The following EPB41L1 variants were observed in gnomAD, a reference collection of about 807,000 sequenced individuals.
EPB41L1 encodes band 4.1-like protein 1.
In EPB41L1, 29 loss-of-function variants were observed where a neutral mutation model predicts 97.8. The ratio of observed to expected loss-of-function variants is 0.30; its 90% confidence interval spans 0.22 to 0.40. EPB41L1 has a LOEUF of 0.40. Ranked by LOEUF, EPB41L1 falls within the 10% of genes least tolerant of loss-of-function variation. The pLI, the probability that EPB41L1 is intolerant of heterozygous loss-of-function variation, is 1.00. For synonymous variants in EPB41L1, 383 were observed against 459.2 expected, an observed-to-expected ratio of 0.83 and a Z score of 2.12; for missense variants, 812 against 1,162.3, an observed-to-expected ratio of 0.70 and a Z score of 4.38.
Position 36,207,561 on chromosome 20 carries a change from G to C in EPB41L1, c.1669-1927G>C. ...CAGAGGCACCCGTGGGACAAGCAGA[G>C]CAGCAGCGGAGTACGCTCTCAGACC... On this transcript the variant is annotated intron_variant, in intron 14 of 21. Coordinates refer to ENST00000338074, the MANE Select transcript of EPB41L1 (RefSeq NM_012156.2). This position sits in a 1 kb window ranked among gnomAD's most constrained non-coding sequence, Gnocchi z 4.9. 1.6e-6 allele frequency: 2 copies of C among 1,289,914 alleles called. No homozygotes were observed. Among genetic ancestry groups the C allele is most frequent in the Non-Finnish European group, 2.0e-6 (2 of 988,892 alleles). The allele number at this position is 1,289,914 out of a possible 1,614,324, so 79.9% of individuals were successfully genotyped here.
chr20:36,225,744 T>G (rs1422419704), intron 21 of EPB41L1, among the ~76,000 whole-genome samples: 2 of 152,108 alleles, frequency 1.3e-5, no homozygotes, highest in Non-Finnish European at 2.9e-5. Context: ...CGCCTCCTCA[T>G]CTTTCCCAGG....
chr20:36,180,645 G>A (rs1404101792), intron 5 of EPB41L1, among the ~76,000 whole-genome samples: 4 of 152,150 alleles, frequency 2.6e-5, no homozygotes, highest in African/African-American at 9.7e-5. Flanking sequence ...CTGTGCCTTG[G>A]TTTCCTCCTC....
chr20:36,123,248 G>C (rs186922758), intron 2 of EPB41L1, among the ~76,000 whole-genome samples: 4 of 151,982 alleles, frequency 2.6e-5, no homozygotes, highest in African/African-American at 4.8e-5. Context: ...TGTTCCTCCC[G>C]ACCTTCAGAC....
chr20:36,183,792 G>T (rs1299732578), intron 6 of EPB41L1, among the ~76,000 whole-genome samples: 3 of 152,208 alleles, frequency 2.0e-5, no homozygotes, highest in Non-Finnish European at 4.4e-5. Flanking sequence ...TGTACTCGGT[G>T]CCTGTGATGT....
chr20:36,143,183 T>TGTGTGTG (rs1204220648), intron 2 of EPB41L1, among the ~76,000 whole-genome samples: 1 of 97,164 alleles, frequency 1.0e-5, no homozygotes, highest in African/African-American at 4.2e-5. Context: ...GTGTGTGTGT[T>TGTGTGTG]GGGGATAGAG....
At chr20:36,218,675 T>C (rs1021080903) in intron 17 of EPB41L1, among the ~76,000 whole-genome samples, 2 of 152,172 alleles carry the variant, frequency 1.3e-5, no homozygotes, top group African/African-American at 4.8e-5. Context: ...AATGAGCGAG[T>C]GTGCAAGTGT....
intron 6 of EPB41L1, among the ~76,000 whole-genome samples, chr20:36,184,412 A>C (rs190041207): frequency 6.6e-6 from 1 of 152,356 alleles, no homozygotes; most frequent in East Asian, 1.9e-4. Context: ...CCAACTGTGC[A>C]TAAAAGTTAT....
At chr20:36,155,774 C>T (rs1022284714) in intron 1 of EPB41L1, 8 of 390,894 alleles carry the variant, frequency 2.0e-5, no homozygotes, top group South Asian at 5.7e-5. Flanking sequence ...GGAGAGAGCA[C>T]CACGTGTTCC....
chr20:36,135,794 G>C (rs2059395045), intron 2 of EPB41L1, among the ~76,000 whole-genome samples: 1 of 152,172 alleles, frequency 6.6e-6, no homozygotes, highest in South Asian at 2.1e-4. Flanking sequence ...ATCCTTTACT[G>C]TTTCCTTGAG....
In EPB41L1 at chr20:36,214,354, C is replaced by T; in HGVS notation, c.2185-3C>T. The T allele has an allele frequency of 6.2e-7, 1 of 1,613,666 alleles. No homozygotes were observed. Among genetic ancestry groups the T allele is most frequent in the South Asian group, 1.1e-5 (1 of 90,998 alleles). On this transcript the variant is annotated splice_polypyrimidine_tract_variant and splice_region_variant and intron_variant, in intron 16 of 21. Transcript: ENST00000338074. ...CAGCTCTAACGACTCCTCCTCTGGT[C>T]AGCAGGTTGATGGGAGTGCCTCAGT...
intron 11 of EPB41L1, among the ~76,000 whole-genome samples, chr20:36,192,204 A>G (rs2061985569): frequency 6.6e-6 from 1 of 151,634 alleles, no homozygotes; most frequent in South Asian, 2.1e-4. Context: ...CTGGGCAACA[A>G]AGCGAGACTC....
chr20:36,126,986 G>A (rs1356608460), intron 2 of EPB41L1, among the ~76,000 whole-genome samples: 1 of 152,208 alleles, frequency 6.6e-6, no homozygotes, highest in Non-Finnish European at 1.5e-5. Context: ...AGGAGGATAG[G>A]GGTGATGAAC....
intron 2 of EPB41L1, among the ~76,000 whole-genome samples, chr20:36,136,087 A>G (rs1029845638): frequency 5.3e-5 from 8 of 151,870 alleles, no homozygotes; most frequent in African/African-American, 9.7e-5. Context: ...ATGGCCTTTT[A>G]CTTTCTTGTT....
chr20:36,124,627 C>T (rs1394320003), intron 2 of EPB41L1, among the ~76,000 whole-genome samples: 1 of 152,216 alleles, frequency 6.6e-6, no homozygotes, highest in Non-Finnish European at 1.5e-5. Flanking sequence ...CTCCCACCCC[C>T]TGCACTGCTT....
intron 1 of EPB41L1, among the ~76,000 whole-genome samples, chr20:36,161,961 G>A (rs1023598868): frequency 1.3e-5 from 2 of 152,096 alleles, no homozygotes; most frequent in East Asian, 1.9e-4. Context: ...ACAGTGTCTC[G>A]CTCTGTTGCC....
intron 21 of EPB41L1, 48 bp from the exon 22 acceptor site, chr20:36,229,284 T>TGCGCCCCCGG: frequency 6.9e-7 from 1 of 1,440,984 alleles, no homozygotes; most frequent in Non-Finnish European, 9.7e-7. Context: ...TTCCTTCCTT[T>TGCGCCCCCGG]CCCCCCACTC....
At chr20:36,173,676 GTCTC>G in intron 1 of EPB41L1, 84 bp from the exon 2 acceptor site, 8 of 1,222,076 alleles carry the variant, frequency 6.5e-6, no homozygotes, top group Non-Finnish European at 8.5e-6. Flanking sequence ...GCCTCCATCT[GTCTC>G]TCTCCGCGTG....
At chr20:36,153,254 T>C (rs1290926875), upstream of EPB41L1, among the ~76,000 whole-genome samples, 1 of 152,004 alleles carries the variant, frequency 6.6e-6, no homozygotes, top group East Asian at 1.9e-4. Context: ...GTCACCATGA[T>C]GGAGCAGCAC....
chr20:36,143,732 GTGTA>G (rs2059731655), intron 2 of EPB41L1, among the ~76,000 whole-genome samples: 1 of 152,156 alleles, frequency 6.6e-6, no homozygotes, highest in South Asian at 2.1e-4. Context: ...CTTTGTGTGT[GTGTA>G]TGTGTGTGCA....
Sources: gnomAD v4.1 joint callset for allele counts (sites outside exome capture counted in the v4.1 genomes callset) on GRCh38, gnomAD v4.1.1 for gene constraint, Gnocchi (gnomAD v3.1) non-coding constraint, MANE v1.5 for transcripts, NCBI Gene and HGNC (gene_info 2026-07-23, HGNC 2026-07-21) for gene names.